The following NELL2 variants were observed in gnomAD, a reference collection of about 807,000 sequenced individuals.
NELL2 encodes the protein neural EGFL like 2.
In NELL2, 41 loss-of-function variants were observed where a neutral mutation model predicts 109.6. The ratio of observed to expected loss-of-function variants is 0.37; its 90% CI spans 0.29 to 0.49. The LOEUF is 0.49. Ranked by LOEUF, NELL2 falls within the 20% of genes least tolerant of loss-of-function variation. NELL2 has a pLI of 0.98. For missense variants in NELL2, 900 were observed against 1,008.3 expected (o/e 0.89, Z 1.45); for synonymous variants, 355 against 344.7 (o/e 1.03, Z -0.33).
At chr12:44,843,514 T>C (rs1428598492) in intron 2 of NELL2, among the ~76,000 whole-genome samples, 3 of 152,210 alleles carry the variant, frequency 2.0e-5, no homozygotes, top group Non-Finnish European at 2.9e-5. Context: ...GCATCTACCA[T>C]ATAAGCCTGC....
intron 15 of NELL2, among the ~76,000 whole-genome samples, chr12:44,537,738 T>C (rs1942361424): frequency 6.6e-6 from 1 of 152,154 alleles, no homozygotes; most frequent in Non-Finnish European, 1.5e-5. Context: ...TCCCTCTGTC[T>C]CTTGTTGAGC....
intron 9 of NELL2, among the ~76,000 whole-genome samples, chr12:44,745,927 C>T (rs1363903563): frequency 6.6e-6 from 1 of 152,180 alleles, no homozygotes; most frequent in Non-Finnish European, 1.5e-5. Context: ...TGACTTTCTT[C>T]ACAGAATTGG....
chr12:44,739,418 C>T (rs1236275622), intron 9 of NELL2, among the ~76,000 whole-genome samples: 1 of 152,102 alleles, frequency 6.6e-6, no homozygotes, highest in Non-Finnish European at 1.5e-5. Flanking sequence ...GTAGTGGCCC[C>T]GGGAATTGAC....
rs2060895 is a variant in NELL2, at chr12:44,603,602, C to G, written c.1663+3567G>C. On this transcript the variant is annotated intron_variant, in intron 15 of 19. Coordinates refer to ENST00000429094, the MANE Select transcript of NELL2 (RefSeq NM_001145108.2). ...ATCCAAGTTAAACACCTGATGGAAT[C>G]TTAGGATATTTAATTAAAAATGAAG... is the stretch of plus-strand genomic sequence containing the variant. 7.2e-5 allele frequency among the ~76,000 whole-genome samples: 11 copies of G among 152,006 alleles called. No individual in the cohort carries two copies. The East Asian group carries it at 1.9e-3, about 27-fold the overall frequency.
intron 15 of NELL2, among the ~76,000 whole-genome samples, chr12:44,552,231 T>C (rs1943067576): frequency 6.6e-6 from 1 of 152,216 alleles, no homozygotes; most frequent in South Asian, 2.1e-4. Context: ...GAAAGATTAG[T>C]GTAACCAAAG....
intron 15 of NELL2, among the ~76,000 whole-genome samples, chr12:44,559,546 C>T (rs1005871816): frequency 4.6e-5 from 7 of 152,052 alleles, no homozygotes; most frequent in South Asian, 4.2e-4. Flanking sequence ...CTGATAAAAC[C>T]GACTTTAAAC....
intron 15 of NELL2, among the ~76,000 whole-genome samples, chr12:44,544,199 ATATAAC>A (rs1942698670): frequency 6.6e-6 from 1 of 152,146 alleles, no homozygotes; most frequent in African/African-American, 2.4e-5. Flanking sequence ...GAAACTAGTG[ATATAAC>A]TATATTAGAA....
In NELL2 at chr12:44,520,271, G is replaced by A. The variant is rs1941471357; in HGVS notation, c.2176-42C>T. On this transcript the variant is annotated intron_variant, in intron 18 of 19. Coordinates refer to ENST00000429094, the MANE Select transcript of NELL2 (RefSeq NM_001145108.2). ...TGTGCAAGGGCAGAGGGAGAGGGAG[G>A]AGGAAATGGAGGGAGGCCAGGAAAA... 2.0e-6 allele frequency: 3 copies of A among 1,496,246 alleles called. No homozygotes were observed. In the African/African-American group the frequency reaches 4.2e-5, roughly 21 times the overall value. The allele number at this position is 1,496,246 out of a possible 1,614,324, so 92.7% of individuals were successfully genotyped here.
chr12:44,636,959 C>T (rs957948343), intron 13 of NELL2, among the ~76,000 whole-genome samples: 1 of 152,170 alleles, frequency 6.6e-6, no homozygotes, highest in Admixed American at 6.6e-5. Flanking sequence ...AGGGTTTTTA[C>T]TTCTTCCTGG....
chr12:44,586,248 T>A (rs761484532), intron 15 of NELL2, among the ~76,000 whole-genome samples: 1 of 148,716 alleles, frequency 6.7e-6, no homozygotes, highest in Non-Finnish European at 1.5e-5. Context: ...ACTATTGTAG[T>A]GAGTGGGGAT....
At chr12:44,680,351 T>C (rs1948456562) in intron 12 of NELL2, among the ~76,000 whole-genome samples, 1 of 152,158 alleles carries the variant, frequency 6.6e-6, no homozygotes, top group Non-Finnish European at 1.5e-5. Context: ...TACACAAACA[T>C]ATATGTTCCA....
rs12314206 is a variant in NELL2 at position 44,559,547 on chromosome 12, G to A, written c.1664-26826C>T. On this transcript the variant is annotated intron_variant, in intron 15 of 19. Coordinates refer to ENST00000429094, the MANE Select transcript of NELL2 (RefSeq NM_001145108.2). ...TGCAATCCTAGTCTCTGATAAAACCGACTTTAAACCAACAAAGGACAAAAA... is the reference window on the plus strand; with the variant it reads ...TGCAATCCTAGTCTCTGATAAAACCAACTTTAAACCAACAAAGGACAAAAA... Among the ~76,000 whole-genome samples, 602 of 152,192 alleles carry A rather than the reference G, an allele frequency of 4.0e-3. 8 individuals are homozygous for A. Among genetic ancestry groups the A allele is most frequent in the African/African-American group, 0.014 (581 of 41,514 alleles).
intron 19 of NELL2, among the ~76,000 whole-genome samples, chr12:44,517,158 G>C (rs551574950): frequency 6.6e-6 from 1 of 151,746 alleles, no homozygotes; most frequent in East Asian, 1.9e-4. Context: ...CATTATTTGT[G>C]AAATAATGTT....
chr12:44,751,884 G>T (rs889333114), intron 9 of NELL2, among the ~76,000 whole-genome samples: 2 of 151,868 alleles, frequency 1.3e-5, no homozygotes, highest in African/African-American at 2.4e-5. Context: ...GATTCCCTGG[G>T]CCACATTGGA....
chr12:44,777,151 C>G, intron 6 of NELL2, 27 bp from the exon 7 acceptor site: 1 of 1,613,034 alleles, frequency 6.2e-7, no homozygotes. Flanking sequence ...TACATTTGGT[C>G]AAGATGCATT....
intron 2 of NELL2, among the ~76,000 whole-genome samples, chr12:44,858,147 A>T (rs1469667468): frequency 1.3e-5 from 2 of 152,214 alleles, no homozygotes; most frequent in Non-Finnish European, 2.9e-5. Flanking sequence ...GACCCTAAGA[A>T]GTAGTACTAT....
intron 15 of NELL2, among the ~76,000 whole-genome samples, chr12:44,593,360 G>C (rs1944830179): frequency 6.6e-6 from 1 of 152,156 alleles, no homozygotes; most frequent in Non-Finnish European, 1.5e-5. Flanking sequence ...AAGGCAGTCA[G>C]GCAGGAGGGA....
chr12:44,850,048 G>T (rs979580610), intron 2 of NELL2, among the ~76,000 whole-genome samples: 3 of 152,036 alleles, frequency 2.0e-5, no homozygotes, highest in African/African-American at 7.2e-5. Context: ...ATCTTGTTTT[G>T]GGTGGCGGTT....
chr12:44,873,866 T>C (rs1945237066), intron 2 of NELL2, among the ~76,000 whole-genome samples: 2 of 150,750 alleles, frequency 1.3e-5, no homozygotes, highest in Non-Finnish European at 2.9e-5. Flanking sequence ...GGATTCAATA[T>C]CCAAGCCCCA....
Sources: gnomAD v4.1 joint callset for allele counts (sites outside exome capture counted in the v4.1 genomes callset) on GRCh38, gnomAD v4.1.1 for gene constraint, MANE v1.5 for transcripts, NCBI Gene and HGNC (gene_info 2026-07-23, HGNC 2026-07-21) for gene names.